GPR158: variants seen among roughly 807,000 people sequenced by gnomAD.
GPR158 encodes the protein G protein-coupled receptor 158.
A neutral mutation model predicts 78.2 loss-of-function variants in GPR158; 30 were observed. The observed-to-expected ratio is 0.38, with a 90% CI of 0.29 to 0.52. The LOEUF (loss-of-function observed/expected upper bound fraction) is 0.52. Among genes scored for constraint, GPR158 ranks in the 20% least tolerant of loss-of-function variants. The pLI, the probability that GPR158 is intolerant of heterozygous loss-of-function variation, is 0.83. For missense variants in GPR158, 1,463 were observed against 1,523.5 expected (o/e 0.96, Z 0.66); for synonymous variants, 581 against 591.1 (o/e 0.98, Z 0.25).
chr10:25,387,429 T>C (rs1237514766), intron 2 of GPR158, among the ~76,000 whole-genome samples: 1 of 152,208 alleles, frequency 6.6e-6, no homozygotes, highest in African/African-American at 2.4e-5. Context: ...TCTATTGTTT[T>C]CTTTTCCAAG....
At chr10:25,469,858 C>G (rs916950808) in intron 5 of GPR158, among the ~76,000 whole-genome samples, 1 of 151,086 alleles carries the variant, frequency 6.6e-6, no homozygotes, top group African/African-American at 2.4e-5. Context: ...CTGCTACCAC[C>G]TGGTCTAAAC....
At chr10:25,433,607 AGGT>A (rs1406060731) in intron 4 of GPR158, among the ~76,000 whole-genome samples, 2 of 150,664 alleles carry the variant, frequency 1.3e-5, no homozygotes, top group Non-Finnish European at 3.0e-5. Flanking sequence ...ATGAATGTCA[AGGT>A]GGTGGTAAGG....
intron 6 of GPR158, among the ~76,000 whole-genome samples, chr10:25,556,541 C>T (rs750776417): frequency 1.3e-5 from 2 of 152,186 alleles, no homozygotes; most frequent in South Asian, 2.1e-4. Context: ...GCTGCCTACT[C>T]TGGGGTGCAG....
chr10:25,322,163 C>T (rs1312652843), intron 2 of GPR158, among the ~76,000 whole-genome samples: 1 of 152,064 alleles, frequency 6.6e-6, no homozygotes, highest in Non-Finnish European at 1.5e-5. Flanking sequence ...GGGCAGATCG[C>T]AAGGTCAGGA....
intron 1 of GPR158, among the ~76,000 whole-genome samples, chr10:25,180,305 A>G (rs1241054182): frequency 6.6e-6 from 1 of 152,078 alleles, no homozygotes; most frequent in East Asian, 1.9e-4. Flanking sequence ...AATTCTTAGA[A>G]CTCTCAGGTA....
At chr10:25,583,237 C>T (rs528432617) in intron 7 of GPR158, among the ~76,000 whole-genome samples, 151 of 152,264 alleles carry the variant, frequency 9.9e-4, no homozygotes, top group Middle Eastern at 3.4e-3. Flanking sequence ...TTCTCTATCT[C>T]GGAGCTGAAT....
chr10:25,217,325 G>A (rs75806063), intron 1 of GPR158, among the ~76,000 whole-genome samples: 5 of 152,074 alleles, frequency 3.3e-5, no homozygotes, highest in Non-Finnish European at 5.9e-5. Flanking sequence ...TGTGTATAGC[G>A]AAGTTACTGG....
chr10:25,500,407 A>AT (rs1487882518), intron 5 of GPR158, among the ~76,000 whole-genome samples: 5 of 152,202 alleles, frequency 3.3e-5, no homozygotes, highest in Non-Finnish European at 5.9e-5. Flanking sequence ...GTCTACTTGG[A>AT]TTTTTTCAAA....
Position 25,558,228 on chromosome 10 carries a change from C to T in GPR158, c.1514+7143C>T, listed in dbSNP as rs1002610168. Among the ~76,000 whole-genome samples the T allele has an allele frequency of 7.9e-5, 12 of 152,198 alleles. No homozygotes were observed. The South Asian group carries it at 1.0e-3, about 13-fold the overall frequency. On this transcript the variant is annotated intron_variant, in intron 6 of 10. Coordinates refer to ENST00000376351, the MANE Select transcript of GPR158 (RefSeq NM_020752.3). ...TCAACTTGTTATATGTGCGTGCGCA[C>T]GTGAGTGTGTGTTCCAACCAACTTT...
At chr10:25,428,986 C>T (rs1411684516) in intron 4 of GPR158, among the ~76,000 whole-genome samples, 2 of 151,940 alleles carry the variant, frequency 1.3e-5, no homozygotes, top group African/African-American at 4.8e-5. Context: ...TTTAGCGTTA[C>T]AGTTGGGTAT....
At chr10:25,317,716 G>GTTTTGTTTTTTTTTTTTTTTTTT (rs1554793351) in intron 2 of GPR158, among the ~76,000 whole-genome samples, 2 of 134,064 alleles carry the variant, frequency 1.5e-5, no homozygotes, top group Admixed American at 7.2e-5. Flanking sequence ...TTCGTAAAGT[G>GTTTTGTTTTTTTTTTTTTTTTTT]TTTTTTTTTG....
At chr10:25,438,499 G>T (rs112665592) in intron 4 of GPR158, among the ~76,000 whole-genome samples, 2,028 of 152,262 alleles carry the variant, frequency 0.013, 40 homozygotes, top group African/African-American at 0.046. Context: ...CCATTCTTCA[G>T]CGCATTTACA....
intron 4 of GPR158, among the ~76,000 whole-genome samples, chr10:25,432,983 T>A (rs1834933060): frequency 6.6e-6 from 1 of 152,206 alleles, no homozygotes; most frequent in South Asian, 2.1e-4. Context: ...TCATGTATAG[T>A]ATCATCAAAC....
intron 1 of GPR158, among the ~76,000 whole-genome samples, chr10:25,215,475 A>T (rs1853196451): frequency 6.6e-6 from 1 of 152,112 alleles, no homozygotes; most frequent in Non-Finnish European, 1.5e-5. Context: ...ACTCAATACT[A>T]CAAAAGCGTA....
chr10:25,435,983 G>A (rs1362325812), intron 4 of GPR158, among the ~76,000 whole-genome samples: 1 of 152,066 alleles, frequency 6.6e-6, no homozygotes, highest in African/African-American at 2.4e-5. Context: ...CTGAAGCTTG[G>A]GGAACTGGGT....
intron 2 of GPR158, among the ~76,000 whole-genome samples, chr10:25,241,280 C>CTTTCCTTTCTTTTCT (rs59929117): frequency 0.01 from 249 of 24,610 alleles, 16 homozygotes; most frequent in African/African-American, 0.031. Context: ...TCCTTTCTTT[C>CTTTCCTTTCTTTTCT]TTTCTTTTCT....
chr10:25,546,801 A>G (rs1836667587), intron 5 of GPR158, among the ~76,000 whole-genome samples: 1 of 152,082 alleles, frequency 6.6e-6, no homozygotes, highest in South Asian at 2.1e-4. Context: ...TTTCTAGAGG[A>G]AGGGATATTT....
chr10:25,448,453 T>C (rs4747521), intron 4 of GPR158, among the ~76,000 whole-genome samples: 106,950 of 152,096 alleles, frequency 0.7, 38,818 homozygotes, highest in East Asian at 0.99. Context: ...CATCACTTTT[T>C]CCTTTCTATT....
At chr10:25,432,735 T>C (rs551069201) in intron 4 of GPR158, among the ~76,000 whole-genome samples, 1 of 152,326 alleles carries the variant, frequency 6.6e-6, no homozygotes, top group East Asian at 1.9e-4. Context: ...CTTTCTCTTA[T>C]TCTTCTCCCT....
Sources: gnomAD v4.1 joint callset for allele counts (sites outside exome capture counted in the v4.1 genomes callset) on GRCh38, gnomAD v4.1.1 for gene constraint, MANE v1.5 for transcripts, NCBI Gene and HGNC (gene_info 2026-07-23, HGNC 2026-07-21) for gene names.